The following NTM variants were observed in gnomAD, a reference collection of about 807,000 sequenced individuals.
NTM encodes the protein IgLON family member 2.
In NTM, 13 loss-of-function variants were observed where a neutral mutation model predicts 42.1. That is an observed-to-expected ratio of 0.31 (90% CI 0.20 to 0.49). The LOEUF is 0.49. Among genes scored for constraint, NTM ranks in the 20% least tolerant of loss-of-function variants. The probability of loss-of-function intolerance (pLI) is 0.99; values close to 1 mark genes in which losing one functional copy is unlikely to be tolerated. For missense variants in NTM, 373 were observed against 452.8 expected (o/e 0.82, Z 1.60); for synonymous variants, 187 against 179.2 (o/e 1.04, Z -0.35).
chr11:131,898,747 A>G (rs557617013), intron 1 of NTM, among the ~76,000 whole-genome samples: 1 of 152,334 alleles, frequency 6.6e-6, no homozygotes, highest in South Asian at 2.1e-4. Flanking sequence ...CATTTTCTAA[A>G]GCCAGTCTAA....
At chr11:131,817,184 G>A (rs377332485) in intron 1 of NTM, among the ~76,000 whole-genome samples, 63 of 152,074 alleles carry the variant, frequency 4.1e-4, no homozygotes, top group South Asian at 2.7e-3. Flanking sequence ...CTTTGCATTC[G>A]CATCCAGGCT....
chr11:131,708,197 C>A (rs1380091823), intron 1 of NTM, among the ~76,000 whole-genome samples: 2 of 151,946 alleles, frequency 1.3e-5, no homozygotes, highest in African/African-American at 2.4e-5. Context: ...ACCGTTAATA[C>A]CCTTATATAT....
intron 2 of NTM, among the ~76,000 whole-genome samples, chr11:131,985,411 C>A (rs1202924091): frequency 6.6e-6 from 1 of 152,152 alleles, no homozygotes; most frequent in Non-Finnish European, 1.5e-5. Flanking sequence ...TAACTAGGGG[C>A]ACATTAGTTG....
At chr11:132,327,790 C>T (rs2095714070) in intron 7 of NTM, among the ~76,000 whole-genome samples, 1 of 151,900 alleles carries the variant, frequency 6.6e-6, no homozygotes, top group African/African-American at 2.4e-5. Context: ...TCTCCCCTTT[C>T]CTCTCTCCCT....
At chr11:132,020,976 A>G (rs543505360) in intron 2 of NTM, among the ~76,000 whole-genome samples, 1 of 152,074 alleles carries the variant, frequency 6.6e-6, no homozygotes, top group South Asian at 2.1e-4. Context: ...TTATTCATTG[A>G]GTGTATTTTT....
intron 1 of NTM, among the ~76,000 whole-genome samples, chr11:131,599,613 T>C (rs2060291024): frequency 6.6e-6 from 1 of 152,238 alleles, no homozygotes. Context: ...CTGTGCTAAA[T>C]ATACTTCCAG....
intron 1 of NTM, among the ~76,000 whole-genome samples, chr11:131,860,136 T>C (rs2136945649): frequency 6.6e-6 from 1 of 152,106 alleles, no homozygotes; most frequent in Non-Finnish European, 1.5e-5. Flanking sequence ...TCAGGGCAGG[T>C]GTGAGGTTTA....
chr11:131,883,672 C>T (rs547580658), intron 1 of NTM, among the ~76,000 whole-genome samples: 60 of 152,272 alleles, frequency 3.9e-4, no homozygotes, highest in African/African-American at 1.2e-3. Context: ...GCTTAGTTTA[C>T]GAACTCGGTG....
At chr11:131,425,703 T>C (rs976487102) in intron 1 of NTM, among the ~76,000 whole-genome samples, 11 of 152,166 alleles carry the variant, frequency 7.2e-5, no homozygotes, top group Non-Finnish European at 1.5e-4. Flanking sequence ...AGTCTCTCAA[T>C]GCAGGAGCTA....
At chr11:131,523,759 GCT>G (rs1241053324) in intron 1 of NTM, among the ~76,000 whole-genome samples, 1 of 131,390 alleles carries the variant, frequency 7.6e-6, no homozygotes. Flanking sequence ...CTCTAGCCTG[GCT>G]GACAGAGCGA....
At chr11:131,983,179 C>A (rs2065525900) in intron 2 of NTM, among the ~76,000 whole-genome samples, 3 of 151,884 alleles carry the variant, frequency 2.0e-5, no homozygotes, top group Admixed American at 1.3e-4. Context: ...TCAGTAGATC[C>A]CATTTTCAAT....
At chr11:131,954,499 C>T (rs534277923) in intron 2 of NTM, among the ~76,000 whole-genome samples, 1 of 152,330 alleles carries the variant, frequency 6.6e-6, no homozygotes, top group Non-Finnish European at 1.5e-5. Flanking sequence ...CCTCAGGGCT[C>T]CCGATGATAC....
intron 3 of NTM, among the ~76,000 whole-genome samples, chr11:132,203,520 T>G (rs1399664984): frequency 3.9e-5 from 6 of 152,120 alleles, no homozygotes; most frequent in African/African-American, 1.4e-4. Context: ...TCTTTTTTTA[T>G]CAAAAGAGAC....
intron 2 of NTM, among the ~76,000 whole-genome samples, chr11:132,122,376 C>A (rs570298840): frequency 1.2e-4 from 18 of 152,306 alleles, no homozygotes; most frequent in African/African-American, 4.1e-4. Flanking sequence ...GGTTTTATTT[C>A]AACAACTCTG....
chr11:132,277,413 T>C (rs1315299754), intron 4 of NTM, among the ~76,000 whole-genome samples: 2 of 152,306 alleles, frequency 1.3e-5, no homozygotes, highest in East Asian at 3.9e-4. Flanking sequence ...AAGGCTCTAT[T>C]GATGAGGATA....
At chr11:131,638,974 A>G (rs2064790488) in intron 1 of NTM, among the ~76,000 whole-genome samples, 1 of 152,234 alleles carries the variant, frequency 6.6e-6, no homozygotes, top group Non-Finnish European at 1.5e-5. Context: ...AACCAATTCA[A>G]TCTTCACAGC....
chr11:131,525,885 C>T (rs1219473185), intron 1 of NTM, among the ~76,000 whole-genome samples: 1 of 151,978 alleles, frequency 6.6e-6, no homozygotes, highest in Non-Finnish European at 1.5e-5. Flanking sequence ...ATACACTTTG[C>T]CTGGAAAGAA....
At chr11:131,678,865 G>A (rs954722435) in intron 1 of NTM, among the ~76,000 whole-genome samples, 2 of 152,196 alleles carry the variant, frequency 1.3e-5, no homozygotes, top group African/African-American at 2.4e-5. Flanking sequence ...CCTGCACATC[G>A]GTGCATGGAG....
intron 2 of NTM, among the ~76,000 whole-genome samples, chr11:132,060,170 T>A (rs560121430): frequency 1.3e-5 from 2 of 152,194 alleles, no homozygotes; most frequent in Non-Finnish European, 2.9e-5. Flanking sequence ...GACCACACTT[T>A]GGCATTATAC....
Sources: allele counts gnomAD v4.1 joint callset (sites outside exome capture counted in the v4.1 genomes callset), GRCh38; gene constraint gnomAD v4.1.1; transcripts MANE v1.5; gene names NCBI Gene and HGNC (gene_info 2026-07-23, HGNC 2026-07-21).